OPCML: variants seen among roughly 807,000 people sequenced by gnomAD.
OPCML encodes the protein opioid binding protein/cell adhesion molecule like.
OPCML carries 13 observed loss-of-function variants against 37.8 expected under a neutral mutation model. The ratio of observed to expected loss-of-function variants is 0.34; its 90% CI spans 0.22 to 0.55. The LOEUF (loss-of-function observed/expected upper bound fraction) is 0.55. Ranked by LOEUF, OPCML falls within the 20% of genes least tolerant of loss-of-function variation. The pLI is 0.91. For synonymous variants in OPCML, 176 were observed against 168.8 expected, an observed-to-expected ratio of 1.04 and a Z score of -0.33; for missense variants, 341 against 435.6, an observed-to-expected ratio of 0.78 and a Z score of 1.93.
At chr11:132,880,745 T>C (rs915559228) in intron 2 of OPCML, among the ~76,000 whole-genome samples, 2 of 152,258 alleles carry the variant, frequency 1.3e-5, no homozygotes, top group African/African-American at 4.8e-5. Flanking sequence ...ACTGGTAGAA[T>C]GGCCATATTA....
intron 1 of OPCML, among the ~76,000 whole-genome samples, chr11:133,350,310 G>C (rs556659118): frequency 2.0e-3 from 307 of 152,224 alleles, no homozygotes; most frequent in Non-Finnish European, 2.5e-3. Context: ...TATAGTTTAG[G>C]GTAACACACA....
chr11:132,805,806 T>C (rs1398300571), intron 2 of OPCML, among the ~76,000 whole-genome samples: 1 of 152,160 alleles, frequency 6.6e-6, no homozygotes, highest in Non-Finnish European at 1.5e-5. Context: ...TGATGCCAGA[T>C]GGAAACTCAG....
At chr11:132,754,866 A>G (rs1186619432) in intron 2 of OPCML, among the ~76,000 whole-genome samples, 2 of 152,184 alleles carry the variant, frequency 1.3e-5, no homozygotes, top group Non-Finnish European at 2.9e-5. Flanking sequence ...CAAGCAGTTC[A>G]GAATAAGGAA....
chr11:133,100,534 G>T (rs996196319), intron 1 of OPCML, among the ~76,000 whole-genome samples: 3 of 152,160 alleles, frequency 2.0e-5, no homozygotes, highest in African/African-American at 7.2e-5. Context: ...GAAAAACAAA[G>T]TTGGAGGACT....
intron 2 of OPCML, among the ~76,000 whole-genome samples, chr11:132,702,912 G>T (rs1943885283): frequency 6.6e-6 from 1 of 151,846 alleles, no homozygotes. Flanking sequence ...TTCTTTAATG[G>T]CTCTCATCTT....
At chr11:132,811,396 T>C (rs1939331366) in intron 2 of OPCML, among the ~76,000 whole-genome samples, 1 of 152,124 alleles carries the variant, frequency 6.6e-6, no homozygotes. Context: ...TATAACTCAA[T>C]CAATAATTAT....
intron 1 of OPCML, among the ~76,000 whole-genome samples, chr11:133,093,275 T>G (rs1565443576): frequency 1.3e-5 from 2 of 151,644 alleles, no homozygotes; most frequent in Non-Finnish European, 2.9e-5. Context: ...TTCTTTTTTT[T>G]CCATTTTCAT....
chr11:132,483,845 G>A (rs1400779365), intron 4 of OPCML, among the ~76,000 whole-genome samples: 1 of 151,700 alleles, frequency 6.6e-6, no homozygotes, highest in Non-Finnish European at 1.5e-5. Context: ...AAATGGTGCT[G>A]GGAAAACTGG....
intron 1 of OPCML, among the ~76,000 whole-genome samples, chr11:133,331,430 C>A (rs898700862): frequency 1.3e-5 from 2 of 152,202 alleles, no homozygotes; most frequent in African/African-American, 2.4e-5. Context: ...TCAGAGCCAC[C>A]GTGGCTTTAG....
intron 3 of OPCML, among the ~76,000 whole-genome samples, chr11:132,633,271 C>T (rs1316445122): frequency 3.3e-5 from 5 of 151,140 alleles, no homozygotes; most frequent in South Asian, 4.2e-4. Context: ...GGTGTGATCT[C>T]GGCTCACTGC....
chr11:132,509,587 G>A (rs2096264477), intron 4 of OPCML, among the ~76,000 whole-genome samples: 1 of 152,194 alleles, frequency 6.6e-6, no homozygotes, highest in South Asian at 2.1e-4. Context: ...TCGCAGCTGA[G>A]CCACTGTGGC....
At chr11:132,577,541 A>C (rs2096453620) in intron 3 of OPCML, among the ~76,000 whole-genome samples, 1 of 152,172 alleles carries the variant, frequency 6.6e-6, no homozygotes, top group Non-Finnish European at 1.5e-5. Flanking sequence ...TGGGATGTAA[A>C]ATACAACCAC....
chr11:132,794,899 T>TAAAAAAAAAAAA (rs55742457), intron 2 of OPCML, among the ~76,000 whole-genome samples: 1 of 140,752 alleles, frequency 7.1e-6, no homozygotes, highest in African/African-American at 2.6e-5. Context: ...ATATCATGAG[T>TAAAAAAAAAAAA]AAAAAAAAAA....
intron 2 of OPCML, among the ~76,000 whole-genome samples, chr11:132,756,010 C>T (rs561269000): frequency 1.1e-4 from 16 of 152,188 alleles, no homozygotes; most frequent in Non-Finnish European, 1.6e-4. Context: ...CTACTCTGTC[C>T]TCAGGATCAT....
intron 1 of OPCML, among the ~76,000 whole-genome samples, chr11:133,070,193 CG>C (rs1186634077): frequency 6.6e-6 from 1 of 152,088 alleles, no homozygotes; most frequent in African/African-American, 2.4e-5. Flanking sequence ...GCTATGTTAA[CG>C]GGAAAAGGCA....
intron 4 of OPCML, among the ~76,000 whole-genome samples, chr11:132,461,419 TC>T (rs1260007777): frequency 6.6e-6 from 1 of 152,162 alleles, no homozygotes; most frequent in Non-Finnish European, 1.5e-5. Context: ...ACATGGAGGT[TC>T]TAAATGGTGG....
At chr11:133,220,568 G>C (rs531973525) in intron 1 of OPCML, among the ~76,000 whole-genome samples, 18 of 152,292 alleles carry the variant, frequency 1.2e-4, no homozygotes, top group African/African-American at 3.6e-4. Context: ...CCTGAAGCCA[G>C]CACATGCTTC....
chr11:133,453,232 C>G (rs922950347), intron 1 of OPCML, among the ~76,000 whole-genome samples: 2 of 152,116 alleles, frequency 1.3e-5, no homozygotes, highest in Non-Finnish European at 2.9e-5. Flanking sequence ...TGAAGCCTAT[C>G]AAAAATAAAG....
At chr11:133,120,366 A>G (rs1224540455) in intron 1 of OPCML, among the ~76,000 whole-genome samples, 4 of 152,248 alleles carry the variant, frequency 2.6e-5, no homozygotes. Flanking sequence ...GCAAGGCCAT[A>G]GGAACTAGGG....
Sources: allele counts gnomAD v4.1 joint callset (sites outside exome capture counted in the v4.1 genomes callset), GRCh38; gene constraint gnomAD v4.1.1; transcripts MANE v1.5; gene names NCBI Gene and HGNC (gene_info 2026-07-23, HGNC 2026-07-21).